GPHN: variants seen among roughly 807,000 people sequenced by gnomAD.
GPHN encodes the protein gephyrin.
A neutral mutation model predicts 95.5 loss-of-function variants in GPHN; 17 were observed. The observed-to-expected ratio is 0.18, with a 90% CI of 0.12 to 0.27. The LOEUF is 0.27. Ranked by LOEUF, GPHN falls within the 10% of genes least tolerant of loss-of-function variation. GPHN has a pLI of 1.00. For missense variants in GPHN, 660 were observed against 978.1 expected, an observed-to-expected ratio of 0.67 and a Z score of 4.34; for synonymous variants, 320 against 322.5, an observed-to-expected ratio of 0.99 and a Z score of 0.08.
intron 11 of GPHN, among the ~76,000 whole-genome samples, chr14:67,079,675 G>T (rs2076616766): frequency 6.6e-6 from 1 of 152,020 alleles, no homozygotes; most frequent in Non-Finnish European, 1.5e-5. Context: ...GCAGTGTTAA[G>T]TATATTCATA....
chr14:67,216,102 T>C, the GPHN span, among the ~76,000 whole-genome samples: 1 of 152,198 alleles, frequency 6.6e-6, no homozygotes, highest in African/African-American at 2.4e-5. Flanking sequence ...CCATGGTATC[T>C]TCTATTAACA....
intron 1 of GPHN, among the ~76,000 whole-genome samples, chr14:66,566,246 TAAAA>T (rs892390568): frequency 3.2e-4 from 49 of 151,926 alleles, no homozygotes; most frequent in African/African-American, 1.1e-3. Context: ...ATAGCCTACT[TAAAA>T]AAAACCTAAA....
chr14:67,247,770 G>C, the GPHN span, among the ~76,000 whole-genome samples: 1 of 151,988 alleles, frequency 6.6e-6, no homozygotes, highest in African/African-American at 2.4e-5. Context: ...GTAGAGACAG[G>C]GCTTCACCAT....
rs1405604511 is a variant in GPHN at position 67,159,449 on chromosome 14, A to G, written c.1871A>G (p.His624Arg). Reference sequence around the variant, plus strand: ...AAGCAGGTGCTGGACATTGATCTTCATGCTCAGATCCATTTTGGCAGGGTT... The same window carrying G: ...AAGCAGGTGCTGGACATTGATCTTCGTGCTCAGATCCATTTTGGCAGGGTT... Reference protein sequence around the residue: ...YLKQVLDIDLHAQIHFGRVFM... With the variant: ...YLKQVLDIDLRAQIHFGRVFM... The change falls in exon 19 of 23, where the codon CAT (histidine) becomes CGT (arginine). Residue 624 changes from histidine to arginine, a missense_variant. His to Arg is a conservative substitution (Grantham distance 29). Coordinates refer to ENST00000478722, the MANE Select transcript of GPHN (RefSeq NM_020806.5). 1 of 1,607,678 alleles carries G rather than the reference A, an allele frequency of 6.2e-7. No individual in the cohort carries two copies. The highest frequency in any genetic ancestry group is 2.2e-5 in the East Asian group (1 of 44,786).
At chr14:67,255,227 A>G in the GPHN span, among the ~76,000 whole-genome samples, 2 of 152,140 alleles carry the variant, frequency 1.3e-5, no homozygotes, top group Admixed American at 1.3e-4. Flanking sequence ...CAGGGAAGGT[A>G]ATTGATTAAA....
intron 1 of GPHN, among the ~76,000 whole-genome samples, chr14:66,679,013 G>A (rs918382470): frequency 2.6e-5 from 4 of 152,212 alleles, no homozygotes; most frequent in Admixed American, 6.5e-5. Context: ...CTCCTGGGTG[G>A]TGATTGGAGG....
At chr14:67,350,610 C>A in the GPHN span, 1 of 1,612,802 alleles carries the variant, frequency 6.2e-7, no homozygotes, top group Non-Finnish European at 8.5e-7. Context: ...AGTCCCCTTA[C>A]CTGAAGTCAC....
At position 66,922,884 on chromosome 14, in the gene GPHN, T is replaced by C; in HGVS notation, c.675T>C (p.Ala225=). 1 of 1,613,616 alleles carries C rather than the reference T, an allele frequency of 6.2e-7. No individual in the cohort carries two copies. Among genetic ancestry groups the C allele is most frequent in the Non-Finnish European group, 8.5e-7 (1 of 1,179,768 alleles). ...EEEEKKDSGV[A]STEDSSSSHI... ...AAGAGAAGAAAGACAGTGGTGTTGC[T>C]TCAACAGAAGATAGTTCCTCATCAC... The change falls in exon 7 of 23, where the codon GCT becomes GCC. Residue 225 remains alanine, a synonymous_variant. Coordinates refer to ENST00000478722, the MANE Select transcript of GPHN (RefSeq NM_020806.5).
chr14:66,856,277 ACT>A (rs2062801257), intron 4 of GPHN, among the ~76,000 whole-genome samples: 2 of 152,238 alleles, frequency 1.3e-5, no homozygotes, highest in Middle Eastern at 3.4e-3. Flanking sequence ...GGTGATCTCA[ACT>A]CTGTGCTAAT....
the GPHN span, among the ~76,000 whole-genome samples, chr14:67,280,849 T>TTCCA: frequency 2.0e-5 from 2 of 101,524 alleles, no homozygotes; most frequent in African/African-American, 5.9e-5. Context: ...CCTTCCTTCC[T>TTCCA]TCCTTCCCTC....
chr14:66,963,372 G>T (rs541810434), intron 8 of GPHN, among the ~76,000 whole-genome samples: 57 of 152,060 alleles, frequency 3.7e-4, no homozygotes, highest in African/African-American at 1.3e-3. Context: ...CACACACAGA[G>T]ACATTATTCG....
At chr14:66,730,874 T>G (rs1434521812) in intron 2 of GPHN, among the ~76,000 whole-genome samples, 1 of 152,218 alleles carries the variant, frequency 6.6e-6, no homozygotes, top group African/African-American at 2.4e-5. Context: ...TACCTAAATC[T>G]TACCTCAAAT....
At chr14:66,721,527 G>C (rs572566407) in intron 2 of GPHN, among the ~76,000 whole-genome samples, 27 of 152,070 alleles carry the variant, frequency 1.8e-4, no homozygotes, top group Non-Finnish European at 4.0e-4. Flanking sequence ...TACTTCCTCT[G>C]TAATTTAACA....
At chr14:67,208,399 A>T in the GPHN span, 1 of 1,614,042 alleles carries the variant, frequency 6.2e-7, no homozygotes, top group Non-Finnish European at 8.5e-7. Context: ...AGACCTCTGA[A>T]GAAAAGATGC....
At chr14:66,977,113 T>A (rs1848187470) in intron 9 of GPHN, among the ~76,000 whole-genome samples, 2 of 152,174 alleles carry the variant, frequency 1.3e-5, no homozygotes, top group African/African-American at 4.8e-5. Flanking sequence ...TACACATGTG[T>A]TGTATACCTG....
At chr14:67,684,272 T>C in the GPHN span, among the ~76,000 whole-genome samples, 1 of 152,212 alleles carries the variant, frequency 6.6e-6, no homozygotes, top group African/African-American at 2.4e-5. Flanking sequence ...TTTCAGGTCA[T>C]TTCAACAATA....
chr14:66,537,246 A>G (rs1000955215), intron 1 of GPHN, among the ~76,000 whole-genome samples: 17 of 152,180 alleles, frequency 1.1e-4, no homozygotes, highest in African/African-American at 4.1e-4. Flanking sequence ...TAATGTGGTT[A>G]CTAGTATAGT....
At chr14:67,186,245 A>C (rs1211393824), downstream of GPHN, among the ~76,000 whole-genome samples, 1 of 152,166 alleles carries the variant, frequency 6.6e-6, no homozygotes. Flanking sequence ...ATTATGAGAA[A>C]GGAAAACAAT....
intron 5 of GPHN, among the ~76,000 whole-genome samples, chr14:66,911,170 G>A (rs540910225): frequency 6.6e-6 from 1 of 152,006 alleles, no homozygotes; most frequent in East Asian, 1.9e-4. Context: ...GTCACAAAAG[G>A]TGACATATTA....
Sources: allele counts gnomAD v4.1 joint callset (sites outside exome capture counted in the v4.1 genomes callset), GRCh38; gene constraint gnomAD v4.1.1; transcripts MANE v1.5; gene names NCBI Gene and HGNC (gene_info 2026-07-23, HGNC 2026-07-21).